The following TPGS2 variants were observed in gnomAD, a reference collection of about 807,000 sequenced individuals.
TPGS2 encodes tubulin polyglutamylase complex subunit 2.
Under a neutral mutation model 31.1 loss-of-function variants are expected in TPGS2, and 26 were observed. The ratio of observed to expected loss-of-function variants is 0.84; its 90% CI spans 0.61 to 1.16. The LOEUF is 1.16. Ranked by LOEUF, TPGS2 falls within the 50% of genes most tolerant of loss-of-function variation. TPGS2 has a pLI of 0.00. For synonymous variants in TPGS2, 130 were observed against 136.6 expected, an observed-to-expected ratio of 0.95 and a Z score of 0.34; for missense variants, 351 against 363.8, an observed-to-expected ratio of 0.96 and a Z score of 0.29.
Position 36,794,466 on chromosome 18 carries a change from C to A in TPGS2, c.*2339G>T. The A allele has an allele frequency of 1.0e-6, 1 of 985,420 alleles. No homozygotes were observed. The highest frequency in any genetic ancestry group is 4.7e-5 in the South Asian group (1 of 21,286). The allele number at this position is 985,420 out of a possible 1,614,324, so 61.0% of individuals were successfully genotyped here. A position where few individuals can be genotyped will look rare whatever the true frequency, so the allele number is the denominator to read the frequency against. On this transcript the variant is annotated 3_prime_UTR_variant, in exon 7 of 7. Coordinates refer to ENST00000334295, the MANE Select transcript of TPGS2 (RefSeq NM_015476.4). ...TCCTCCGCTGCTTCACTTGTGGAAT[C>A]CAGGGCTGATTTAGAAATGCTGTGA...
intron 2 of TPGS2, among the ~76,000 whole-genome samples, chr18:36,808,315 G>T (rs1412724392): frequency 6.6e-6 from 1 of 152,082 alleles, no homozygotes; most frequent in African/African-American, 2.4e-5. Context: ...CAGACCCATG[G>T]TCATATATTA....
At chr18:36,815,281 G>A (rs572672562) in intron 2 of TPGS2, among the ~76,000 whole-genome samples, 2 of 152,306 alleles carry the variant, frequency 1.3e-5, no homozygotes, top group African/African-American at 2.4e-5. Context: ...TGAGACAAGC[G>A]AGTTACAGAG....
chr18:36,823,702 T>G (rs1265106), intron 1 of TPGS2: 10 of 295,714 alleles, frequency 3.4e-5, no homozygotes, highest in African/African-American at 4.6e-5. Flanking sequence ...CCTCGTGATC[T>G]GCCCGCCTCG....
At chr18:36,811,426 A>G (rs1328989040) in intron 2 of TPGS2, among the ~76,000 whole-genome samples, 2 of 152,220 alleles carry the variant, frequency 1.3e-5, no homozygotes. Flanking sequence ...CCACAGAACC[A>G]TTAGTCTCCC....
In TPGS2 at chr18:36,806,850, T is replaced by TAAAAAAA. The variant is rs397962723; in HGVS notation, c.253+990_253+996dup. On this transcript the variant is annotated intron_variant, in intron 3 of 6. Transcript: ENST00000334295. ...TGGGCAACAGAGTGAGACTCCATCTTAAAAAAAAAAAAAAAAAAAAAAAAA... is the reference window on the plus strand; with the variant it reads ...TGGGCAACAGAGTGAGACTCCATCTTAAAAAAAAAAAAAAAAAAAAAAAAAAAAAAAA... Among the ~76,000 whole-genome samples the TAAAAAAA allele has an allele frequency of 4.6e-4, 17 of 37,336 alleles. 3 individuals carry two copies. Among genetic ancestry groups the TAAAAAAA allele is most frequent in the African/African-American group, 2.3e-3 (15 of 6,630 alleles). 24.5% of individuals were successfully genotyped at this position (37,336 alleles called of 152,430 possible).
Position 36,796,422 on chromosome 18 carries a change from A to G in TPGS2, c.*383T>C. On this transcript the variant is annotated 3_prime_UTR_variant, in exon 7 of 7. Coordinates refer to ENST00000334295, the MANE Select transcript of TPGS2 (RefSeq NM_015476.4). ...CTTTAAATTTAAATAGTCATATGTG[A>G]CTAGTGGCTCCTGAATGAACAATGC... 1 of 1,014,000 alleles carries G rather than the reference A, an allele frequency of 9.9e-7. No homozygotes were observed. The highest frequency in any genetic ancestry group is 1.2e-6 in the Non-Finnish European group (1 of 849,422). The allele number at this position is 1,014,000 out of a possible 1,614,324, so 62.8% of individuals were successfully genotyped here.
rs538484278 is a variant in TPGS2, at chr18:36,796,722, G to A, written c.*83C>T. The A allele has an allele frequency of 5.2e-5, 78 of 1,514,496 alleles. No individual in the cohort carries two copies. The highest frequency in any genetic ancestry group is 2.5e-4 in the Middle Eastern group (1 of 4,058). 93.8% of individuals were successfully genotyped at this position (1,514,496 alleles called of 1,614,324 possible). ...CTAGAAAGAGGCCTACGGTCCACAC[G>A]CAAAACTGGAGGTCACCCCTAGGGC... On this transcript the variant is annotated 3_prime_UTR_variant, in exon 7 of 7. Transcript: ENST00000334295.
At chr18:36,823,791 G>C in intron 1 of TPGS2, 2 of 982,188 alleles carry the variant, frequency 2.0e-6, no homozygotes, top group South Asian at 9.4e-5. Flanking sequence ...TATGTGATTA[G>C]ATTGGGCCTA....
In TPGS2 at chr18:36,794,788, C is replaced by T; in HGVS notation, c.*2017G>A. On this transcript the variant is annotated 3_prime_UTR_variant, in exon 7 of 7. Transcript: ENST00000334295. ...TAATAACCTAAACAACTAAAAGGGC[C>T]AAAATGTCTCCTAGAGAATATGTGA... 1 of 983,174 alleles carries T rather than the reference C, an allele frequency of 1.0e-6. No homozygotes were observed. 60.9% of individuals were successfully genotyped at this position (983,174 alleles called of 1,614,324 possible).
downstream of TPGS2, among the ~76,000 whole-genome samples, chr18:36,782,305 G>A (rs950842117): frequency 4.6e-5 from 7 of 152,340 alleles, no homozygotes; most frequent in Middle Eastern, 3.4e-3. Context: ...TTTCAGCTAA[G>A]TAAAAAGGGT....
intron 2 of TPGS2, among the ~76,000 whole-genome samples, chr18:36,813,855 G>A (rs905448053): frequency 6.6e-6 from 1 of 152,196 alleles, no homozygotes; most frequent in South Asian, 2.1e-4. Context: ...AGAACACAGA[G>A]AATCTCCCAG....
chr18:36,819,598 G>A (rs1468149360), intron 1 of TPGS2, among the ~76,000 whole-genome samples: 3 of 152,194 alleles, frequency 2.0e-5, no homozygotes, highest in Non-Finnish European at 4.4e-5. Flanking sequence ...CTGAGGGAGA[G>A]CAGAAGCCAC....
At chr18:36,827,870 C>T (rs2046245138) in intron 1 of TPGS2, among the ~76,000 whole-genome samples, 1 of 152,066 alleles carries the variant, frequency 6.6e-6, no homozygotes, top group Admixed American at 6.5e-5. Flanking sequence ...GTGTCTTTTT[C>T]ATATTTTTAA....
chr18:36,796,951 T>TAAAC lies in TPGS2; in HGVS notation c.753_756dup (p.Lys253ValfsTer2), dbSNP rs1568000765. ...GGGATTACGATCTTGTTCTTGCTCT[T>TAAAC]AAACACTTTGCTGGGATCTAGCTTA... On this transcript the variant is annotated frameshift_variant, in exon 7 of 7. Transcript: ENST00000334295. LOFTEE classifies it high-confidence loss of function. 6.2e-7 allele frequency: 1 copy of TAAAC among 1,606,178 alleles called. No individual in the cohort carries two copies. Among genetic ancestry groups the TAAAC allele is most frequent in the East Asian group, 2.2e-5 (1 of 44,818 alleles).
intron 4 of TPGS2, among the ~76,000 whole-genome samples, chr18:36,801,000 A>T (rs1456756846): frequency 6.6e-6 from 1 of 152,156 alleles, no homozygotes; most frequent in African/African-American, 2.4e-5. Context: ...AGAACCATGT[A>T]AAAGCCCTCT....
chr18:36,805,297 T>TTCA, intron 4 of TPGS2, 77 bp downstream of exon 4: 1 of 1,514,288 alleles, frequency 6.6e-7, no homozygotes, highest in Non-Finnish European at 9.1e-7. Flanking sequence ...TGCACCAAGA[T>TTCA]TCATTAAGTA....
rs2046015910 is a variant in TPGS2, at chr18:36,823,874, G to C, written c.85+4809C>G. The C allele has an allele frequency of 9.1e-6, 9 of 984,998 alleles. No individual in the cohort carries two copies. The South Asian group carries it at 2.3e-4, about 26-fold the overall frequency. The allele number at this position is 984,998 out of a possible 1,614,324, so 61.0% of individuals were successfully genotyped here. ...GGTATCTCATCATCTTCACAGTCCT[G>C]TGGATTAGAGTAGGAATTCTAATAG... On this transcript the variant is annotated intron_variant, in intron 1 of 6. Coordinates refer to ENST00000334295, the MANE Select transcript of TPGS2 (RefSeq NM_015476.4).
At chr18:36,805,631 G>A in intron 3 of TPGS2, 129 bp from the exon 4 acceptor site, 2 of 1,293,204 alleles carry the variant, frequency 1.5e-6, no homozygotes, top group Non-Finnish European at 2.2e-6. Context: ...TCTGATGGAA[G>A]GTGGGAAGAA....
chr18:36,798,658 T>C (rs760052195), intron 5 of TPGS2, 49 bp from the exon 6 acceptor site: 1 of 1,582,382 alleles, frequency 6.3e-7, no homozygotes, highest in South Asian at 1.1e-5. Flanking sequence ...GCTTAACAGT[T>C]TTTTCTTTTT....
Sources: gnomAD v4.1 joint callset for allele counts (sites outside exome capture counted in the v4.1 genomes callset) on GRCh38, gnomAD v4.1.1 for gene constraint, MANE v1.5 for transcripts, NCBI Gene and HGNC (gene_info 2026-07-23, HGNC 2026-07-21) for gene names.